The following CNBD1 variants were observed in gnomAD, a reference collection of about 807,000 sequenced individuals.
CNBD1 encodes cyclic nucleotide-binding domain-containing protein 1.
A neutral mutation model predicts 54.4 loss-of-function variants in CNBD1; 71 were observed. The observed-to-expected ratio is 1.30, with a 90% confidence interval of 1.08 to 1.59. The LOEUF is 1.59. Among genes scored for constraint, CNBD1 ranks in the 40% most tolerant of loss-of-function variants. The pLI is 0.00. For synonymous variants in CNBD1, 182 were observed against 170.7 expected (o/e 1.07, Z -0.51); for missense variants, 659 against 518.0 (o/e 1.27, Z -2.64).
chr8:87,122,236 A>G (rs1163990363), intron 4 of CNBD1, among the ~76,000 whole-genome samples: 1 of 151,656 alleles, frequency 6.6e-6, no homozygotes, highest in African/African-American at 2.4e-5. Flanking sequence ...CTTATCTTTC[A>G]TCTTTTTGAT....
At chr8:87,033,983 C>G (rs1454268767) in intron 4 of CNBD1, among the ~76,000 whole-genome samples, 1 of 151,924 alleles carries the variant, frequency 6.6e-6, no homozygotes, top group Non-Finnish European at 1.5e-5. Context: ...TTATGGCTGT[C>G]CTGCATCCAC....
intron 4 of CNBD1, among the ~76,000 whole-genome samples, chr8:87,036,015 A>T (rs989444633): frequency 3.3e-5 from 5 of 152,170 alleles, no homozygotes; most frequent in African/African-American, 1.2e-4. Context: ...GACTGTAAAC[A>T]CCTAGGAGCA....
chr8:87,380,387 T>G (rs1021401652), intron 10 of CNBD1, among the ~76,000 whole-genome samples: 3 of 151,946 alleles, frequency 2.0e-5, no homozygotes, highest in Non-Finnish European at 4.4e-5. Flanking sequence ...ATGATTGTCT[T>G]TATGCAATAC....
At chr8:87,088,741 G>T (rs1341699013) in intron 4 of CNBD1, among the ~76,000 whole-genome samples, 1 of 151,956 alleles carries the variant, frequency 6.6e-6, no homozygotes, top group Non-Finnish European at 1.5e-5. Flanking sequence ...TAAAAAGAAT[G>T]GCCTGTAAAC....
At chr8:87,016,443 ATAAAAT>A (rs1297715751) in intron 4 of CNBD1, among the ~76,000 whole-genome samples, 1 of 146,900 alleles carries the variant, frequency 6.8e-6, no homozygotes, top group East Asian at 2.0e-4. Context: ...AATTATACAG[ATAAAAT>A]TAAATGAAAA....
At chr8:86,883,421 G>A (rs1278989296) in intron 1 of CNBD1, among the ~76,000 whole-genome samples, 1 of 152,150 alleles carries the variant, frequency 6.6e-6, no homozygotes, top group Non-Finnish European at 1.5e-5. Context: ...AGATCAATGT[G>A]ATCATTGAAG....
intron 8 of CNBD1, among the ~76,000 whole-genome samples, chr8:87,299,450 G>C (rs900550667): frequency 1.3e-5 from 2 of 152,134 alleles, no homozygotes; most frequent in Non-Finnish European, 2.9e-5. Context: ...TGGTTAAAAA[G>C]CTCCTCACAG....
chr8:87,139,506 G>C (rs1812329221), intron 4 of CNBD1, among the ~76,000 whole-genome samples: 1 of 152,144 alleles, frequency 6.6e-6, no homozygotes, highest in African/African-American at 2.4e-5. Flanking sequence ...ATGTGATCAA[G>C]GTTTGATAGC....
chr8:87,312,073 G>A (rs551252640), intron 8 of CNBD1, among the ~76,000 whole-genome samples: 2 of 152,038 alleles, frequency 1.3e-5, no homozygotes, highest in South Asian at 2.1e-4. Flanking sequence ...TAACAAACCT[G>A]CATATATACC....
intron 8 of CNBD1, among the ~76,000 whole-genome samples, chr8:87,349,438 T>C (rs10089265): frequency 0.41 from 61,653 of 152,030 alleles, 12,796 homozygotes; most frequent in Middle Eastern, 0.47. Context: ...TGCAGTGTCA[T>C]GAGCTCAGCT....
intron 1 of CNBD1, among the ~76,000 whole-genome samples, chr8:86,870,017 C>A (rs564123294): frequency 6.6e-6 from 1 of 151,444 alleles, no homozygotes; most frequent in East Asian, 1.9e-4. Flanking sequence ...TACATTTTGA[C>A]TACTGGTTGA....
At chr8:87,342,582 A>G (rs953256024) in intron 8 of CNBD1, among the ~76,000 whole-genome samples, 7 of 152,080 alleles carry the variant, frequency 4.6e-5, no homozygotes, top group African/African-American at 7.2e-5. Flanking sequence ...GTTTTCCCTA[A>G]GTGTCAGCCA....
chr8:87,334,757 T>C lies in CNBD1; in HGVS notation c.1043-16928T>C, dbSNP rs183774674. The stretch of plus-strand genomic sequence containing the variant: ...TTTTTTAAGATGGAGTCTCGCTCTG[T>C]TGCCAGGCCATAGTGCAGTGCAGTG... On this transcript the variant is annotated intron_variant, in intron 8 of 10. Transcript: ENST00000518476. Among the ~76,000 whole-genome samples, 133 of 150,854 alleles carry C rather than the reference T, an allele frequency of 8.8e-4. 1 individual carries two copies. The highest frequency in any genetic ancestry group is 3.1e-3 in the African/African-American group (127 of 40,942).
intron 3 of CNBD1, among the ~76,000 whole-genome samples, chr8:86,938,811 G>A (rs531063146): frequency 6.6e-6 from 1 of 152,186 alleles, no homozygotes. Context: ...GGTTACCAGA[G>A]TAGCCAGCAC....
At chr8:87,413,780 A>T (rs949355751) in intron 2 of CNBD1, among the ~76,000 whole-genome samples, 6 of 151,586 alleles carry the variant, frequency 4.0e-5, no homozygotes, top group Admixed American at 6.6e-5. Context: ...AATGCTCATC[A>T]TCACTGGCCA....
At chr8:86,902,727 A>G (rs1808957050) in intron 2 of CNBD1, among the ~76,000 whole-genome samples, 1 of 152,004 alleles carries the variant, frequency 6.6e-6, no homozygotes, top group South Asian at 2.1e-4. Context: ...GGATTTACTC[A>G]TAGCCTGGTA....
chr8:87,092,925 C>G (rs904480376), intron 4 of CNBD1, among the ~76,000 whole-genome samples: 1 of 152,126 alleles, frequency 6.6e-6, no homozygotes, highest in African/African-American at 2.4e-5. Flanking sequence ...TTGCTCCTCC[C>G]ACAGTTGCAA....
chr8:87,050,962 C>T (rs770248055), intron 4 of CNBD1, among the ~76,000 whole-genome samples: 14 of 152,196 alleles, frequency 9.2e-5, no homozygotes, highest in African/African-American at 2.4e-4. Flanking sequence ...ACTGGTATAG[C>T]GATTGTTCAG....
chr8:87,019,878 C>CA (rs1469974821), intron 4 of CNBD1, among the ~76,000 whole-genome samples: 1 of 151,558 alleles, frequency 6.6e-6, no homozygotes, highest in Admixed American at 6.6e-5. Context: ...GACTCCATCT[C>CA]AAAAAAAGAA....
Sources: gnomAD v4.1 joint callset for allele counts (sites outside exome capture counted in the v4.1 genomes callset) on GRCh38, gnomAD v4.1.1 for gene constraint, MANE v1.5 for transcripts, NCBI Gene and HGNC (gene_info 2026-07-23, HGNC 2026-07-21) for gene names.